The following CPQ variants were observed in gnomAD, a reference collection of about 807,000 sequenced individuals.
The protein encoded by CPQ is carboxypeptidase Q, also known as Ser-Met dipeptidase.
CPQ carries 37 observed loss-of-function variants against 45.7 expected under a neutral mutation model. The observed-to-expected ratio is 0.81, with a 90% CI of 0.62 to 1.07. The LOEUF (loss-of-function observed/expected upper bound fraction) is 1.07. Among genes scored for constraint, CPQ ranks in the 50% least tolerant of loss-of-function variants. The pLI is 0.00. For synonymous variants in CPQ, 186 were observed against 205.8 expected (o/e 0.90, Z 0.82); for missense variants, 537 against 572.9 (o/e 0.94, Z 0.64).
At chr8:96,798,909 T>G (rs1255771770) in intron 2 of CPQ, among the ~76,000 whole-genome samples, 1 of 152,142 alleles carries the variant, frequency 6.6e-6, no homozygotes, top group Non-Finnish European at 1.5e-5. Context: ...CCTGTAGCAC[T>G]AGGCCCAGGG....
intron 1 of CPQ, among the ~76,000 whole-genome samples, chr8:96,719,130 G>A (rs1586371975): frequency 1.3e-5 from 2 of 152,256 alleles, no homozygotes; most frequent in African/African-American, 4.8e-5. Context: ...GTGCCGTGGA[G>A]CAAGGGGTGG....
At chr8:96,780,981 T>G (rs1050716265) in intron 1 of CPQ, among the ~76,000 whole-genome samples, 1 of 152,168 alleles carries the variant, frequency 6.6e-6, no homozygotes, top group African/African-American at 2.4e-5. Context: ...AAGTAGTTGT[T>G]GGAGTCATAT....
At chr8:97,066,650 A>G (rs1207346403) in intron 7 of CPQ, among the ~76,000 whole-genome samples, 1 of 152,184 alleles carries the variant, frequency 6.6e-6, no homozygotes, top group East Asian at 1.9e-4. Context: ...ATAATTCCCT[A>G]TTAAAACACT....
intron 5 of CPQ, among the ~76,000 whole-genome samples, chr8:97,023,941 G>A (rs975171582): frequency 3.3e-5 from 5 of 152,160 alleles, no homozygotes; most frequent in African/African-American, 7.2e-5. Flanking sequence ...TTGCACATCC[G>A]TGTCACAGGG....
At chr8:96,997,853 G>A (rs1248206652) in intron 5 of CPQ, among the ~76,000 whole-genome samples, 6 of 152,010 alleles carry the variant, frequency 3.9e-5, no homozygotes, top group Non-Finnish European at 7.4e-5. Context: ...GCTAAGCAAC[G>A]GACAATGAAC....
At position 97,007,040 on chromosome 8, in the gene CPQ, C is replaced by T. The variant is rs189656237; in HGVS notation, c.962-22363C>T. Among the ~76,000 whole-genome samples the T allele has an allele frequency of 2.8e-3, 426 of 152,296 alleles. 3 individuals carry two copies. Among genetic ancestry groups the T allele is most frequent in the Non-Finnish European group, 5.3e-3 (363 of 68,006 alleles). On this transcript the variant is annotated intron_variant, in intron 5 of 7. Coordinates refer to ENST00000220763, the MANE Select transcript of CPQ (RefSeq NM_016134.4). Reference sequence around the variant, plus strand: ...AACATAAAAGAAAACCAGAGGAAAGCATATTCAGCCTCAGTCATTAAAAAG... The same window carrying T: ...AACATAAAAGAAAACCAGAGGAAAGTATATTCAGCCTCAGTCATTAAAAAG...
At chr8:97,029,593 C>T in intron 6 of CPQ, 99 bp downstream of exon 6, 1 of 1,127,368 alleles carries the variant, frequency 8.9e-7, no homozygotes, top group Non-Finnish European at 1.3e-6. Flanking sequence ...TTCTGGTCAA[C>T]TGGCCCTAGG....
At chr8:96,870,229 G>A (rs528441832) in intron 3 of CPQ, among the ~76,000 whole-genome samples, 2 of 151,984 alleles carry the variant, frequency 1.3e-5, no homozygotes, top group African/African-American at 4.8e-5. Context: ...ACTTAAATAG[G>A]TTCCCTTAAA....
chr8:97,130,442 T>TAC (rs1563589592), intron 7 of CPQ, among the ~76,000 whole-genome samples: 3 of 131,968 alleles, frequency 2.3e-5, no homozygotes, highest in Admixed American at 1.5e-4. Context: ...TTTTTTTTTT[T>TAC]CCACAAAAAT....
chr8:96,751,496 C>A (rs925308183), intron 1 of CPQ, among the ~76,000 whole-genome samples: 1 of 152,046 alleles, frequency 6.6e-6, no homozygotes, highest in Non-Finnish European at 1.5e-5. Context: ...TTAATTTTTT[C>A]TTGTAAATTT....
At chr8:96,750,623 T>TC (rs1031906432) in intron 1 of CPQ, among the ~76,000 whole-genome samples, 11 of 151,944 alleles carry the variant, frequency 7.2e-5, no homozygotes, top group African/African-American at 2.4e-4. Context: ...CTTTTTTTTT[T>TC]CTCTCTTCAA....
intron 4 of CPQ, among the ~76,000 whole-genome samples, chr8:96,910,697 G>A (rs1363311361): frequency 6.6e-6 from 1 of 152,058 alleles, no homozygotes; most frequent in African/African-American, 2.4e-5. Flanking sequence ...GTAGAGACGG[G>A]GTTTCACCGT....
chr8:96,768,109 G>T (rs144143410), intron 1 of CPQ, among the ~76,000 whole-genome samples: 25 of 152,100 alleles, frequency 1.6e-4, no homozygotes, highest in African/African-American at 5.3e-4. Context: ...AACATCTGCT[G>T]TATCATCTTG....
rs140488768 is a variant in CPQ at position 96,664,429 on chromosome 8, G to A, written c.-35+19027G>A. On this transcript the variant is annotated intron_variant, in intron 1 of 7. Transcript: ENST00000220763. The stretch of plus-strand genomic sequence containing the variant: ...CTTTTTCTGAGCATGAGGGGGAATA[G>A]GAGTGAAATTTGAGGCTTAAAGAGA... Among the ~76,000 whole-genome samples, 519 of 152,312 alleles carry A rather than the reference G, an allele frequency of 3.4e-3. 4 individuals carry two copies. The highest frequency in any genetic ancestry group is 0.012 in the African/African-American group (505 of 41,564).
intron 1 of CPQ, among the ~76,000 whole-genome samples, chr8:96,701,453 G>A (rs1809458763): frequency 6.6e-6 from 1 of 152,182 alleles, no homozygotes; most frequent in Non-Finnish European, 1.5e-5. Flanking sequence ...GGGATCTGAT[G>A]AGTATTTGAT....
chr8:96,789,157 A>G (rs1186423439), intron 2 of CPQ, among the ~76,000 whole-genome samples: 1 of 151,956 alleles, frequency 6.6e-6, no homozygotes, highest in African/African-American at 2.4e-5. Flanking sequence ...GACAGTTTCT[A>G]CTGCCTACTT....
chr8:96,749,206 G>A (rs16895064), intron 1 of CPQ, among the ~76,000 whole-genome samples: 13,843 of 151,942 alleles, frequency 0.091, 862 homozygotes, highest in African/African-American at 0.17. Context: ...AACCTTATCC[G>A]TCTTACCTTT....
chr8:96,704,477 A>T (rs1039668085), intron 1 of CPQ, among the ~76,000 whole-genome samples: 1 of 152,182 alleles, frequency 6.6e-6, no homozygotes, highest in Non-Finnish European at 1.5e-5. Context: ...CCTTTAAGGA[A>T]ATATGGATTG....
chr8:96,842,336 C>T (rs1811624104), intron 3 of CPQ, among the ~76,000 whole-genome samples: 1 of 152,066 alleles, frequency 6.6e-6, no homozygotes, highest in Admixed American at 6.6e-5. Context: ...AATATCATTG[C>T]AATTTGGGGA....
Sources: gnomAD v4.1 joint callset for allele counts (sites outside exome capture counted in the v4.1 genomes callset) on GRCh38, gnomAD v4.1.1 for gene constraint, MANE v1.5 for transcripts, NCBI Gene and HGNC (gene_info 2026-07-23, HGNC 2026-07-21) for gene names.